The following GRID2 variants were observed in gnomAD, a reference collection of about 807,000 sequenced individuals.
GRID2 encodes glutamate receptor ionotropic, delta-2.
Under a neutral mutation model 114.8 loss-of-function variants are expected in GRID2, and 33 were observed. The ratio of observed to expected loss-of-function variants is 0.29; its 90% CI spans 0.22 to 0.38. GRID2 has a LOEUF of 0.38. Among genes scored for constraint, GRID2 ranks in the 10% least tolerant of loss-of-function variants. The pLI is 1.00. For missense variants in GRID2, 1,184 were observed against 1,257.7 expected (o/e 0.94, Z 0.89); for synonymous variants, 505 against 449.9 (o/e 1.12, Z -1.55).
rs367848506 is a variant in GRID2 at position 93,596,315 on chromosome 4, C to T, written c.2194-29954C>T. The stretch of plus-strand genomic sequence containing the variant: ...TACTTGAGGGCTGGGTGCGGTGGCT[C>T]ACGCCTGCAGTCCCAGCACTTTGGG... On this transcript the variant is annotated intron_variant, in intron 13 of 15. Transcript: ENST00000282020. Among the ~76,000 whole-genome samples, 31 of 152,232 alleles carry T rather than the reference C, an allele frequency of 2.0e-4. No homozygotes were observed. The East Asian group carries it at 2.5e-3, about 12-fold the overall frequency.
chr4:92,816,811 T>C (rs973284054), intron 2 of GRID2, among the ~76,000 whole-genome samples: 16 of 152,168 alleles, frequency 1.1e-4, no homozygotes, highest in African/African-American at 3.9e-4. Flanking sequence ...ATTAACAACT[T>C]ACAAAGCTCT....
chr4:92,837,477 TAAAA>T (rs76387998), intron 2 of GRID2, among the ~76,000 whole-genome samples: 1 of 128,032 alleles, frequency 7.8e-6, no homozygotes, highest in African/African-American at 2.9e-5. Flanking sequence ...CCCTTCAGGT[TAAAA>T]AAAAAAAAAA....
intron 2 of GRID2, among the ~76,000 whole-genome samples, chr4:92,877,005 C>G (rs1033602448): frequency 6.6e-6 from 1 of 152,166 alleles, no homozygotes; most frequent in African/African-American, 2.4e-5. Context: ...CAACATCTAT[C>G]AAGAGTGAAT....
chr4:92,816,450 G>A (rs970583036), intron 2 of GRID2, among the ~76,000 whole-genome samples: 3 of 151,260 alleles, frequency 2.0e-5, no homozygotes, highest in Non-Finnish European at 4.4e-5. Flanking sequence ...ATACATTAAT[G>A]CATGTTTCCT....
At chr4:93,615,827 C>G (rs1222438892) in intron 13 of GRID2, among the ~76,000 whole-genome samples, 1 of 151,986 alleles carries the variant, frequency 6.6e-6, no homozygotes, top group African/African-American at 2.4e-5. Context: ...TCAAACAACA[C>G]AGGTGCAGTC....
chr4:92,390,643 A>C (rs1282980333), intron 1 of GRID2, among the ~76,000 whole-genome samples: 1 of 152,206 alleles, frequency 6.6e-6, no homozygotes, highest in Non-Finnish European at 1.5e-5. Context: ...TTGAAAGGCT[A>C]TCGTTTTAAA....
chr4:93,548,501 C>A (rs1733449036), intron 13 of GRID2, among the ~76,000 whole-genome samples: 1 of 152,026 alleles, frequency 6.6e-6, no homozygotes, highest in South Asian at 2.1e-4. Context: ...TATAGCAGTT[C>A]CTTTGTGCAA....
rs749841204 is a variant in GRID2, at chr4:92,547,734, CT to C, written c.89-42392del. ...CTCATGCACACACAACTTGCAGCTT[CT>C]TTTTGTTCTCACACATAATTTGATA... On this transcript the variant is annotated intron_variant, in intron 1 of 15. Coordinates refer to ENST00000282020, the MANE Select transcript of GRID2 (RefSeq NM_001510.4). 1.6e-3 allele frequency among the ~76,000 whole-genome samples: 250 copies of C among 151,800 alleles called. 1 individual carries two copies. The highest frequency in any genetic ancestry group is 2.5e-3 in the Non-Finnish European group (167 of 67,948).
At chr4:93,560,578 C>T (rs1259816879) in intron 13 of GRID2, among the ~76,000 whole-genome samples, 2 of 152,166 alleles carry the variant, frequency 1.3e-5, no homozygotes, top group Non-Finnish European at 2.9e-5. Context: ...CCACCTTAAA[C>T]ACTGGGGATA....
chr4:92,603,370 C>G (rs1729311914), intron 2 of GRID2, among the ~76,000 whole-genome samples: 1 of 152,028 alleles, frequency 6.6e-6, no homozygotes, highest in Admixed American at 6.6e-5. Context: ...TGGAACACAA[C>G]AGAGATCTCA....
chr4:92,678,020 A>G (rs1259190766), intron 2 of GRID2, among the ~76,000 whole-genome samples: 1 of 152,006 alleles, frequency 6.6e-6, no homozygotes, highest in Non-Finnish European at 1.5e-5. Flanking sequence ...TAAACCAAGT[A>G]CCTTACCACC....
At chr4:93,366,926 A>AAT (rs1017037549) in intron 8 of GRID2, among the ~76,000 whole-genome samples, 178 of 151,196 alleles carry the variant, frequency 1.2e-3, no homozygotes, top group South Asian at 4.0e-3. Flanking sequence ...ATGGTTGATA[A>AAT]ATATATATAT....
chr4:92,943,529 C>T (rs970113983), intron 2 of GRID2, among the ~76,000 whole-genome samples: 2 of 151,960 alleles, frequency 1.3e-5, no homozygotes, highest in African/African-American at 4.8e-5. Flanking sequence ...TTCGAACTTC[C>T]TCCTTTAGCT....
intron 2 of GRID2, among the ~76,000 whole-genome samples, chr4:92,967,412 G>T (rs909265832): frequency 6.6e-6 from 1 of 151,862 alleles, no homozygotes; most frequent in Non-Finnish European, 1.5e-5. Flanking sequence ...AAGTGTTTTT[G>T]TATTTAGTCT....
intron 1 of GRID2, among the ~76,000 whole-genome samples, chr4:92,309,096 T>G (rs967165218): frequency 6.6e-6 from 1 of 152,048 alleles, no homozygotes. Context: ...ATCCACTAAA[T>G]ATCTGTTATA....
chr4:92,505,206 C>T (rs1723897530), intron 1 of GRID2, among the ~76,000 whole-genome samples: 1 of 151,910 alleles, frequency 6.6e-6, no homozygotes, highest in South Asian at 2.1e-4. Flanking sequence ...TAGAATAGGA[C>T]TCTTGGAGCA....
At chr4:93,347,023 A>G (rs538489201) in intron 8 of GRID2, among the ~76,000 whole-genome samples, 13 of 152,192 alleles carry the variant, frequency 8.5e-5, no homozygotes, top group African/African-American at 2.9e-4. Flanking sequence ...ACCTAGCAGC[A>G]TCTTTCGGTC....
intron 13 of GRID2, among the ~76,000 whole-genome samples, chr4:93,619,119 T>C (rs554018467): frequency 1.3e-5 from 2 of 152,302 alleles, no homozygotes; most frequent in African/African-American, 4.8e-5. Context: ...ATGATAACTA[T>C]GTCAGAGCAC....
intron 12 of GRID2, among the ~76,000 whole-genome samples, chr4:93,496,766 A>C (rs111344691): frequency 3.0e-4 from 46 of 152,002 alleles, no homozygotes; most frequent in Admixed American, 1.3e-3. Flanking sequence ...CAGTTGGTTT[A>C]GCAATTTACT....
Sources: gnomAD v4.1 joint callset for allele counts (sites outside exome capture counted in the v4.1 genomes callset) on GRCh38, gnomAD v4.1.1 for gene constraint, MANE v1.5 for transcripts, NCBI Gene and HGNC (gene_info 2026-07-23, HGNC 2026-07-21) for gene names.